ARMH3: variants seen among roughly 807,000 people sequenced by gnomAD.
The protein encoded by ARMH3 is armadillo-like helical domain-containing protein 3.
Under a neutral mutation model 99.1 loss-of-function variants are expected in ARMH3, and 60 were observed. That is an observed-to-expected ratio of 0.61 (90% CI 0.49 to 0.75). ARMH3 has a LOEUF of 0.75. Ranked by LOEUF, ARMH3 falls within the 30% of genes least tolerant of loss-of-function variation. ARMH3 has a pLI of 0.00. For synonymous variants in ARMH3, 285 were observed against 292.8 expected (o/e 0.97, Z 0.27); for missense variants, 679 against 843.1 (o/e 0.81, Z 2.41).
chr10:102,011,852 G>T (rs1298231628), intron 10 of ARMH3, 69 bp from the exon 11 acceptor site: 3 of 1,310,526 alleles, frequency 2.3e-6, no homozygotes, highest in African/African-American at 3.0e-5. Flanking sequence ...TGACATTTGG[G>T]GTAATCAGGG....
At chr10:102,041,889 C>T (rs111373451) in intron 1 of ARMH3, among the ~76,000 whole-genome samples, 2 of 152,234 alleles carry the variant, frequency 1.3e-5, no homozygotes, top group Admixed American at 1.3e-4. Context: ...ACCTCATGAT[C>T]CGCCTGCCTC....
chr10:101,856,134 A>C (rs1270365948), intron 24 of ARMH3, among the ~76,000 whole-genome samples: 2 of 152,126 alleles, frequency 1.3e-5, no homozygotes, highest in Admixed American at 1.3e-4. Context: ...AACCTGGTGA[A>C]GCCTTGATTT....
intron 2 of ARMH3, 86 bp downstream of exon 2, chr10:102,039,927 G>T: frequency 7.9e-7 from 1 of 1,272,202 alleles, no homozygotes; most frequent in Non-Finnish European, 1.1e-6. Context: ...GGAACCTGAA[G>T]GTAGCAGGCA....
Position 102,023,496 on chromosome 10 carries a change from AC to A in ARMH3, c.649del (p.Val217Ter). The stretch of plus-strand genomic sequence containing the variant: ...AGTTACCTCATATTTTCTATAGTTC[AC>A]CAGCAAAGCCAAGAGGACGACAGCA... ...YDAVVLLALLVNYRKYESVNP... is the reference protein window; with the variant it reads ...YDAVVLLALLXNYRKYESVNP... On this transcript the variant is annotated frameshift_variant, in exon 8 of 26. Coordinates refer to ENST00000370033, the MANE Select transcript of ARMH3 (RefSeq NM_024541.3). LOFTEE classifies it high-confidence loss of function. 1 of 1,614,092 alleles carries A rather than the reference AC, an allele frequency of 6.2e-7. No individual in the cohort carries two copies. Among genetic ancestry groups the A allele is most frequent in the Non-Finnish European group, 8.5e-7 (1 of 1,179,970 alleles).
chr10:101,847,644 G>A (rs780969638), intron 25 of ARMH3, 24 bp from the exon 26 acceptor site: 210 of 1,606,226 alleles, frequency 1.3e-4, no homozygotes, highest in Non-Finnish European at 1.7e-4. Context: ...GTTGGGGAAG[G>A]TGGGAGGGCG....
intron 24 of ARMH3, among the ~76,000 whole-genome samples, chr10:101,888,725 T>C (rs1429673521): frequency 1.3e-5 from 2 of 152,218 alleles, no homozygotes; most frequent in African/African-American, 2.4e-5. Context: ...ATAGGATGTC[T>C]TATTTAGTGC....
At chr10:101,862,692 T>C (rs542087198) in intron 24 of ARMH3, among the ~76,000 whole-genome samples, 24 of 149,636 alleles carry the variant, frequency 1.6e-4, no homozygotes, top group South Asian at 1.3e-3. Flanking sequence ...CAATAGCAGA[T>C]ATAAAATGAA....
At chr10:101,865,583 G>A (rs992942918) in intron 24 of ARMH3, among the ~76,000 whole-genome samples, 10 of 152,044 alleles carry the variant, frequency 6.6e-5, no homozygotes, top group African/African-American at 2.2e-4. Context: ...CTGCATCCCA[G>A]ATTCAAGCGA....
chr10:101,977,271 A>G (rs1187929147), intron 19 of ARMH3, among the ~76,000 whole-genome samples: 1 of 152,194 alleles, frequency 6.6e-6, no homozygotes, highest in Non-Finnish European at 1.5e-5. Context: ...TAGTAGCTTG[A>G]GGTTAAGATA....
At chr10:102,007,562 G>C (rs970722640) in intron 13 of ARMH3, among the ~76,000 whole-genome samples, 2 of 147,232 alleles carry the variant, frequency 1.4e-5, no homozygotes, top group Non-Finnish European at 3.0e-5. Context: ...GCTCACACCA[G>C]TAATCCCAGC....
At chr10:102,018,361 C>A (rs2066796725) in intron 8 of ARMH3, among the ~76,000 whole-genome samples, 2 of 152,294 alleles carry the variant, frequency 1.3e-5, no homozygotes, top group South Asian at 4.1e-4. Flanking sequence ...ATGAATAAGG[C>A]ACTGTCTTCA....
intron 24 of ARMH3, among the ~76,000 whole-genome samples, chr10:101,859,369 T>C (rs1464378435): frequency 6.6e-6 from 1 of 152,226 alleles, no homozygotes; most frequent in Non-Finnish European, 1.5e-5. Context: ...GGACCAACCA[T>C]TAGCTTGGAC....
chr10:101,876,320 C>G (rs1043886951), intron 24 of ARMH3, among the ~76,000 whole-genome samples: 1 of 150,626 alleles, frequency 6.6e-6, no homozygotes, highest in African/African-American at 2.4e-5. Flanking sequence ...CTAGCTCCAA[C>G]CAAGAGGCTG....
At chr10:101,985,267 T>C (rs1846439515) in intron 19 of ARMH3, among the ~76,000 whole-genome samples, 1 of 148,632 alleles carries the variant, frequency 6.7e-6, no homozygotes, top group African/African-American at 2.5e-5. Flanking sequence ...TATGTGTATA[T>C]ACGTATGTGT....
At chr10:102,012,732 T>TA (rs1271216699) in intron 10 of ARMH3, 101 bp downstream of exon 10, 1 of 1,141,242 alleles carries the variant, frequency 8.8e-7, no homozygotes, top group Non-Finnish European at 1.3e-6. Flanking sequence ...TGAATACTCT[T>TA]AGACTAGGTA....
At chr10:101,876,396 G>A (rs138202545) in intron 24 of ARMH3, among the ~76,000 whole-genome samples, 1 of 152,152 alleles carries the variant, frequency 6.6e-6, no homozygotes, top group East Asian at 1.9e-4. Context: ...AAGGGAGAGA[G>A]AAAACATTGT....
At chr10:101,985,231 TAC>T (rs1270927259) in intron 19 of ARMH3, among the ~76,000 whole-genome samples, 12 of 149,086 alleles carry the variant, frequency 8.0e-5, no homozygotes, top group Admixed American at 5.4e-4. Context: ...TATACGTATA[TAC>T]ATGTATATAT....
chr10:101,912,010 G>A (rs1251888874), intron 23 of ARMH3, among the ~76,000 whole-genome samples: 1 of 149,764 alleles, frequency 6.7e-6, no homozygotes, highest in African/African-American at 2.5e-5. Context: ...TCCAGCCTGG[G>A]CAGCAGAGCG....
At chr10:102,009,073 G>T (rs1052555562) in intron 13 of ARMH3, among the ~76,000 whole-genome samples, 1 of 152,092 alleles carries the variant, frequency 6.6e-6, no homozygotes, top group Non-Finnish European at 1.5e-5. Context: ...TCCACATAGC[G>T]GATAATACCA....
Sources: allele counts gnomAD v4.1 joint callset (sites outside exome capture counted in the v4.1 genomes callset), GRCh38; gene constraint gnomAD v4.1.1; transcripts MANE v1.5; gene names NCBI Gene and HGNC (gene_info 2026-07-23, HGNC 2026-07-21).